The following CHFR variants were observed in gnomAD, a reference collection of about 807,000 sequenced individuals.
CHFR encodes the protein checkpoint with forkhead and ring finger domains.
A neutral mutation model predicts 87.6 loss-of-function variants in CHFR; 57 were observed. The observed-to-expected ratio is 0.65, with a 90% CI of 0.53 to 0.81. The LOEUF (loss-of-function observed/expected upper bound fraction) is 0.81, where lower values mean the gene tolerates loss of function less well. Among genes scored for constraint, CHFR ranks in the 30% least tolerant of loss-of-function variants. The pLI, the probability that CHFR is intolerant of heterozygous loss-of-function variation, is 0.00. For missense variants in CHFR, 797 were observed against 865.8 expected (o/e 0.92, Z 1.00); for synonymous variants, 381 against 359.2 (o/e 1.06, Z -0.69).
intron 6 of CHFR, chr12:132,866,814 A>G (rs967843255): frequency 1.3e-5 from 2 of 152,244 alleles, no homozygotes; most frequent in African/African-American, 2.4e-5. Flanking sequence ...AGACTGAGGT[A>G]TGCTTTTAGA....
At chr12:132,861,324 G>A (rs180981527) in intron 7 of CHFR, 143 bp downstream of exon 7, 9 of 732,492 alleles carry the variant, frequency 1.2e-5, no homozygotes, top group African/African-American at 5.3e-5. Context: ...TGAAAATGCC[G>A]GAGGTGTTAC....
rs750304472 is a variant in CHFR at position 132,856,632 on chromosome 12, T to A, written c.1067-2A>T. 7.4e-6 allele frequency: 12 copies of A among 1,613,704 alleles called. No individual in the cohort carries two copies. Among genetic ancestry groups the A allele is most frequent in the Non-Finnish European group, 1.0e-5 (12 of 1,179,918 alleles). On this transcript the variant is annotated splice_acceptor_variant, in intron 9 of 17. Coordinates refer to ENST00000450056, the MANE Select transcript of CHFR (RefSeq NM_001161346.2). LOFTEE classifies it high-confidence loss of function. ...CATCTTCTTCACTGCGACTCTTGTC[T>A]AGAATTGAAAGGACACAGCGCCATT...
intron 6 of CHFR, among the ~76,000 whole-genome samples, chr12:132,863,087 A>G (rs1263724552): frequency 1.4e-5 from 2 of 147,684 alleles, no homozygotes; most frequent in African/African-American, 2.5e-5. Flanking sequence ...TAGTAGAGAC[A>G]GGGTTTCACC....
Position 132,838,835 on chromosome 12 carries a change from C to T in CHFR, c.*2719G>A, listed in dbSNP as rs1444602239. 3 of 152,348 alleles carry T rather than the reference C, an allele frequency of 2.0e-5. No individual in the cohort carries two copies. The highest frequency in any genetic ancestry group is 7.2e-5 in the African/African-American group (3 of 41,448). The allele number at this position is 152,348 out of a possible 1,614,324, so 9.4% of individuals were successfully genotyped here. A position where few individuals can be genotyped will look rare whatever the true frequency, so the allele number is the denominator to read the frequency against. On this transcript the variant is annotated 3_prime_UTR_variant, in exon 18 of 18. Coordinates refer to ENST00000450056, the MANE Select transcript of CHFR (RefSeq NM_001161346.2). The stretch of plus-strand genomic sequence containing the variant: ...CACGGCCACCTGCTTCCATAAAACA[C>T]AGCTCCTTACCACACCCGAGGAGTA...
intron 10 of CHFR, chr12:132,854,343 CA>C (rs1951015450): frequency 6.6e-6 from 1 of 152,230 alleles, no homozygotes; most frequent in Non-Finnish European, 1.5e-5. Context: ...ACAAACTTAT[CA>C]AACGTCTATC....
chr12:132,849,357 G>A (rs1275336128), intron 12 of CHFR: 1 of 150,524 alleles, frequency 6.6e-6, no homozygotes, highest in Non-Finnish European at 1.5e-5. Flanking sequence ...GTGATGCACT[G>A]CACCCGGCCT....
rs12825925 is a variant in CHFR at position 132,839,872 on chromosome 12, T to C, written c.*1682A>G. On this transcript the variant is annotated 3_prime_UTR_variant, in exon 18 of 18. Transcript: ENST00000450056. Reference sequence around the variant, plus strand: ...TCCCCTCTCAGCCTCGCCCCTGCACTAACTTGGGACCTCCCTGCTCAGCCT... The same window carrying C: ...TCCCCTCTCAGCCTCGCCCCTGCACCAACTTGGGACCTCCCTGCTCAGCCT... 1.3e-5 allele frequency: 1 copy of C among 75,190 alleles called. No homozygotes were observed. Among genetic ancestry groups the C allele is most frequent in the Non-Finnish European group, 2.6e-5 (1 of 37,886 alleles). 4.7% of individuals were successfully genotyped at this position (75,190 alleles called of 1,614,324 possible).
intron 2 of CHFR, 96 bp downstream of exon 2, chr12:132,887,100 A>C: frequency 9.3e-7 from 1 of 1,073,090 alleles, no homozygotes; most frequent in Non-Finnish European, 1.3e-6. Context: ...CCACGGAAAA[A>C]TCTGGAGCGC....
intron 6 of CHFR, chr12:132,866,449 C>A (rs1951339591): frequency 6.6e-6 from 1 of 151,964 alleles, no homozygotes; most frequent in Non-Finnish European, 1.5e-5. Context: ...AACGTTACAA[C>A]ACACCGGGAA....
intron 16 of CHFR, 133 bp downstream of exon 16, chr12:132,843,894 A>G: frequency 1.8e-6 from 1 of 555,300 alleles, no homozygotes; most frequent in Non-Finnish European, 3.3e-6. Context: ...GGTTGCAGTG[A>G]GCCGAGATTG....
intron 5 of CHFR, among the ~76,000 whole-genome samples, chr12:132,870,073 C>T (rs911346443): frequency 2.6e-4 from 40 of 151,724 alleles, no homozygotes; most frequent in African/African-American, 9.7e-4. Flanking sequence ...GCCAGGCGTG[C>T]CGGGCGCGGT....
intron 11 of CHFR, among the ~76,000 whole-genome samples, chr12:132,853,134 T>C (rs1472837637): frequency 6.6e-6 from 1 of 152,190 alleles, no homozygotes; most frequent in East Asian, 1.9e-4. Flanking sequence ...CTGGGGGACA[T>C]CAGCTGCCCT....
At position 132,834,703 on chromosome 12, in the gene CHFR, T is replaced by TCTTG. The variant is rs1344278040; in HGVS notation, c.*6847_*6850dup. ...AAGCCTCCTCTTCCTGCCTTTGACT[T>TCTTG]CTTGCTTGCTTTTTTTTTTTTTTTT... On this transcript the variant is annotated 3_prime_UTR_variant, in exon 18 of 18. Transcript: ENST00000450056. 2 of 152,536 alleles carry TCTTG rather than the reference T, an allele frequency of 1.3e-5. No homozygotes were observed. Among genetic ancestry groups the TCTTG allele is most frequent in the South Asian group, 4.1e-4 (2 of 4,822 alleles). The allele number at this position is 152,536 out of a possible 1,614,324, so 9.4% of individuals were successfully genotyped here.
At chr12:132,847,756 C>T in intron 14 of CHFR, 3 of 1,211,742 alleles carry the variant, frequency 2.5e-6, no homozygotes, top group Non-Finnish European at 3.1e-6. Context: ...CCTGGTCTTG[C>T]TAAAGGGCGG....
chr12:132,879,325 C>T (rs186527358), intron 2 of CHFR, among the ~76,000 whole-genome samples: 2 of 151,942 alleles, frequency 1.3e-5, no homozygotes, highest in Admixed American at 1.3e-4. Context: ...GTATAAGAAA[C>T]TGCATCTTAT....
chr12:132,863,024 G>A (rs1383044609), intron 6 of CHFR, among the ~76,000 whole-genome samples: 7 of 149,374 alleles, frequency 4.7e-5, no homozygotes, highest in Admixed American at 1.3e-4. Context: ...AGCCTCCTGA[G>A]TAGCTGGGAC....
chr12:132,860,218 C>G (rs1951183020), intron 7 of CHFR, among the ~76,000 whole-genome samples: 1 of 152,116 alleles, frequency 6.6e-6, no homozygotes. Context: ...TTTGATTTAT[C>G]AATTTTAGAC....
intron 5 of CHFR, among the ~76,000 whole-genome samples, chr12:132,870,327 G>C (rs1462788775): frequency 6.6e-6 from 1 of 151,116 alleles, no homozygotes; most frequent in Non-Finnish European, 1.5e-5. Flanking sequence ...ACTCCAGCCT[G>C]GGCGACAAAG....
chr12:132,879,840 G>C (rs547175696), intron 2 of CHFR, among the ~76,000 whole-genome samples: 2 of 152,254 alleles, frequency 1.3e-5, no homozygotes, highest in East Asian at 1.9e-4. Context: ...AAAAGCGAAG[G>C]GTTTGGTCAG....
Sources: allele counts gnomAD v4.1 joint callset (sites outside exome capture counted in the v4.1 genomes callset), GRCh38; gene constraint gnomAD v4.1.1; transcripts MANE v1.5; gene names NCBI Gene and HGNC (gene_info 2026-07-23, HGNC 2026-07-21).